The following SLX4IP variants were observed in gnomAD, a reference collection of about 807,000 sequenced individuals.
The protein encoded by SLX4IP is SLX4 interacting protein, also known as protein SLX4IP.
In SLX4IP, 34 loss-of-function variants were observed where a neutral mutation model predicts 32.9. That is an observed-to-expected ratio of 1.03 (90% CI 0.79 to 1.38). The LOEUF (loss-of-function observed/expected upper bound fraction) is 1.38. Among genes scored for constraint, SLX4IP ranks in the 40% most tolerant of loss-of-function variants. The pLI is 0.00. For missense variants in SLX4IP, 444 were observed against 479.0 expected (o/e 0.93, Z 0.68); for synonymous variants, 172 against 171.7 (o/e 1.00, Z -0.01).
intron 2 of SLX4IP, among the ~76,000 whole-genome samples, chr20:10,535,337 T>C (rs939336802): frequency 9.9e-5 from 15 of 152,190 alleles, no homozygotes; most frequent in Non-Finnish European, 1.9e-4. Flanking sequence ...TGTTTGTTTT[T>C]TTGAGGCAGA....
chr20:10,603,062 T>C (rs1312106061), intron 6 of SLX4IP, among the ~76,000 whole-genome samples: 2 of 152,214 alleles, frequency 1.3e-5, no homozygotes, highest in Non-Finnish European at 2.9e-5. Context: ...TTGAGTTATC[T>C]TCGTAAACTA....
chr20:10,615,092 A>G (rs2067010949), intron 6 of SLX4IP, among the ~76,000 whole-genome samples: 1 of 152,174 alleles, frequency 6.6e-6, no homozygotes, highest in Non-Finnish European at 1.5e-5. Context: ...GGGTCTGTAG[A>G]AAATTTCAAT....
intron 2 of SLX4IP, among the ~76,000 whole-genome samples, chr20:10,463,063 C>T (rs1389609911): frequency 6.6e-6 from 1 of 152,080 alleles, no homozygotes; most frequent in Non-Finnish European, 1.5e-5. Context: ...CTAAAAACAA[C>T]AACAACAAGA....
At chr20:10,533,136 ACT>A (rs1337041508) in intron 2 of SLX4IP, among the ~76,000 whole-genome samples, 2 of 151,890 alleles carry the variant, frequency 1.3e-5, no homozygotes, top group African/African-American at 4.8e-5. Flanking sequence ...TCTTGGGAAA[ACT>A]CTCATATGAA....
At chr20:10,479,187 A>C (rs2065499651) in intron 2 of SLX4IP, among the ~76,000 whole-genome samples, 1 of 152,186 alleles carries the variant, frequency 6.6e-6, no homozygotes, top group Admixed American at 6.5e-5. Context: ...GCCTTCTGGG[A>C]AAGGTGAGGA....
intron 6 of SLX4IP, among the ~76,000 whole-genome samples, 162 bp downstream of exon 6, chr20:10,601,981 A>G (rs576034315): frequency 6.6e-6 from 1 of 152,366 alleles, no homozygotes; most frequent in East Asian, 1.9e-4. Flanking sequence ...TGGTAATATC[A>G]ACTAATTCGT....
chr20:10,612,949 A>T (rs2066985057), intron 6 of SLX4IP: 1 of 172,644 alleles, frequency 5.8e-6, no homozygotes, highest in Non-Finnish European at 1.2e-5. Flanking sequence ...TCAGTACAAA[A>T]CCTGGCTGAG....
At chr20:10,618,130 A>G (rs1174061252) in intron 6 of SLX4IP, among the ~76,000 whole-genome samples, 1 of 152,178 alleles carries the variant, frequency 6.6e-6, no homozygotes, top group Admixed American at 6.5e-5. Context: ...TCAAACATTC[A>G]TCTGTTCAGC....
chr20:10,510,852 C>T (rs1420600051), intron 2 of SLX4IP, among the ~76,000 whole-genome samples: 2 of 152,200 alleles, frequency 1.3e-5, no homozygotes, highest in African/African-American at 2.4e-5. Context: ...GATCCACCTA[C>T]CTTGGCCTCC....
chr20:10,540,356 C>A (rs548913257), intron 2 of SLX4IP, among the ~76,000 whole-genome samples: 1 of 152,008 alleles, frequency 6.6e-6, no homozygotes, highest in Non-Finnish European at 1.5e-5. Flanking sequence ...TTGAAGACAT[C>A]GAATCCTGAG....
intron 2 of SLX4IP, among the ~76,000 whole-genome samples, chr20:10,549,652 C>T (rs749493933): frequency 2.0e-5 from 3 of 152,204 alleles, no homozygotes; most frequent in Non-Finnish European, 4.4e-5. Context: ...AATGTGGAGT[C>T]TCTCAGATCT....
intron 6 of SLX4IP, among the ~76,000 whole-genome samples, chr20:10,611,521 A>G (rs1049961496): frequency 6.6e-6 from 1 of 152,186 alleles, no homozygotes; most frequent in African/African-American, 2.4e-5. Flanking sequence ...CCTCAGGTCC[A>G]TATCCTTCCA....
At chr20:10,470,606 CTTGTGCTATAT>C (rs2065416850) in intron 2 of SLX4IP, among the ~76,000 whole-genome samples, 1 of 152,156 alleles carries the variant, frequency 6.6e-6, no homozygotes, top group Non-Finnish European at 1.5e-5. Context: ...CATGCACACA[CTTGTGCTATAT>C]TTTGCGAGTT....
intron 2 of SLX4IP, among the ~76,000 whole-genome samples, chr20:10,493,911 T>C (rs2065646619): frequency 7.4e-6 from 1 of 135,476 alleles, no homozygotes; most frequent in Non-Finnish European, 1.5e-5. Context: ...TTACCCAGAC[T>C]GGTCTCAAAC....
At chr20:10,569,680 T>A (rs1568746415) in intron 4 of SLX4IP, among the ~76,000 whole-genome samples, 2 of 152,202 alleles carry the variant, frequency 1.3e-5, no homozygotes, top group South Asian at 4.1e-4. Context: ...TTTTCCTCTG[T>A]AAATGCCTGT....
chr20:10,597,941 A>G (rs1300758590), intron 4 of SLX4IP, among the ~76,000 whole-genome samples: 1 of 152,206 alleles, frequency 6.6e-6, no homozygotes, highest in Non-Finnish European at 1.5e-5. Flanking sequence ...ATCTCATTCT[A>G]TATGAAGATT....
Position 10,468,958 on chromosome 20 carries a change from G to T in SLX4IP, c.27+10727G>T, listed in dbSNP as rs149546165. ...TAAAGCAGGGGTGTCCAATCTTTTG[G>T]CTTCCCTGGGCCACACTGGAAGAAG... On this transcript the variant is annotated intron_variant, in intron 2 of 7. Transcript: ENST00000334534. 4.9e-3 allele frequency among the ~76,000 whole-genome samples: 748 copies of T among 152,054 alleles called. 2 individuals carry two copies. The highest frequency in any genetic ancestry group is 0.011 in the Admixed American group (172 of 15,264).
Position 10,435,443 on chromosome 20 carries a change from C to T in SLX4IP, c.-40C>T, listed in dbSNP as rs1321154102. 1.3e-5 allele frequency: 2 copies of T among 152,294 alleles called. No homozygotes were observed. The highest frequency in any genetic ancestry group is 2.4e-5 in the African/African-American group (1 of 41,474). The allele number at this position is 152,294 out of a possible 1,614,324, so 9.4% of individuals were successfully genotyped here. A position where few individuals can be genotyped will look rare whatever the true frequency, so the allele number is the denominator to read the frequency against. On this transcript the variant is annotated 5_prime_UTR_variant, in exon 1 of 8. Coordinates refer to ENST00000334534, the MANE Select transcript of SLX4IP (RefSeq NM_001009608.3). ...TATAAAGCCCGAGCCCAAACCCCGC[C>T]ACCATCATAGGTAAGCACATGGACC... is the stretch of plus-strand genomic sequence containing the variant.
chr20:10,460,502 G>T (rs778027032), intron 2 of SLX4IP, among the ~76,000 whole-genome samples: 12 of 151,988 alleles, frequency 7.9e-5, no homozygotes, highest in Non-Finnish European at 1.5e-4. Context: ...ATCATTGCTG[G>T]ATCTGTTAAT....
Sources: allele counts gnomAD v4.1 joint callset (sites outside exome capture counted in the v4.1 genomes callset), GRCh38; gene constraint gnomAD v4.1.1; transcripts MANE v1.5; gene names NCBI Gene and HGNC (gene_info 2026-07-23, HGNC 2026-07-21).